The following EBF1 variants were observed in gnomAD, a reference collection of about 807,000 sequenced individuals.
EBF1 encodes the protein EBF transcription factor 1.
EBF1 carries 10 observed loss-of-function variants against 68.4 expected under a neutral mutation model. The observed-to-expected ratio is 0.15, with a 90% CI of 0.09 to 0.25. The LOEUF (loss-of-function observed/expected upper bound fraction) is 0.25, where lower values mean the gene tolerates loss of function less well. EBF1 is among the 10% of genes least tolerant of loss of function. The pLI is 1.00. For missense variants in EBF1, 509 were observed against 794.4 expected, an observed-to-expected ratio of 0.64 and a Z score of 4.32; for synonymous variants, 298 against 299.8, an observed-to-expected ratio of 0.99 and a Z score of 0.06.
chr5:158,955,895 C>T (rs1347157831), intron 6 of EBF1, among the ~76,000 whole-genome samples: 1 of 152,154 alleles, frequency 6.6e-6, no homozygotes, highest in Non-Finnish European at 1.5e-5. Flanking sequence ...TTAGCAATGG[C>T]TTACCAAAGG....
intron 10 of EBF1, among the ~76,000 whole-genome samples, chr5:158,738,905 T>C (rs900802261): frequency 5.3e-5 from 8 of 152,232 alleles, no homozygotes; most frequent in Non-Finnish European, 7.3e-5. Context: ...CAGGAATCTC[T>C]GTGCCTAGGC....
intron 10 of EBF1, among the ~76,000 whole-genome samples, chr5:158,765,024 T>C (rs1383975709): frequency 6.6e-6 from 1 of 152,196 alleles, no homozygotes; most frequent in Non-Finnish European, 1.5e-5. Flanking sequence ...TTAAGTACAT[T>C]TACTTGTTTC....
intron 6 of EBF1, among the ~76,000 whole-genome samples, chr5:158,924,852 CAAAAA>C (rs34744460): frequency 3.5e-4 from 18 of 50,892 alleles, no homozygotes; most frequent in African/African-American, 1.1e-3. Context: ...GACTCTGTCT[CAAAAA>C]AAAAAAAAAA....
intron 6 of EBF1, chr5:158,941,290 G>C: frequency 2.2e-6 from 1 of 454,664 alleles, no homozygotes; most frequent in South Asian, 1.6e-5. Flanking sequence ...TCAGGAACAC[G>C]TACAAATACA....
chr5:158,773,433 G>C (rs1316076279), intron 10 of EBF1, among the ~76,000 whole-genome samples: 2 of 152,086 alleles, frequency 1.3e-5, no homozygotes, highest in African/African-American at 2.4e-5. Context: ...AAAATGTTTG[G>C]AATTGGAAAA....
Position 159,039,182 on chromosome 5 carries a change from C to T in EBF1, c.554+34214G>A, listed in dbSNP as rs574933048. On this transcript the variant is annotated intron_variant, in intron 6 of 15. Transcript: ENST00000313708. ...CACAAGTCAGCCCTCTTCCCTGAGT[C>T]ATTCTGCAAAATGGCACAGCAGATT... Among the ~76,000 whole-genome samples, 16 of 152,304 alleles carry T rather than the reference C, an allele frequency of 1.1e-4. No individual in the cohort carries two copies. The East Asian group carries it at 3.1e-3, about 29-fold the overall frequency.
chr5:158,942,235 C>T (rs866520315), intron 6 of EBF1, among the ~76,000 whole-genome samples: 4 of 152,016 alleles, frequency 2.6e-5, no homozygotes, highest in South Asian at 2.1e-4. Flanking sequence ...AGCATTGTGT[C>T]CCTGTATATA....
intron 8 of EBF1, among the ~76,000 whole-genome samples, chr5:158,797,737 A>G (rs918085398): frequency 6.6e-6 from 1 of 152,216 alleles, no homozygotes; most frequent in Non-Finnish European, 1.5e-5. Flanking sequence ...TTAATCTTAA[A>G]AATTTGCACA....
At chr5:158,965,324 C>A (rs1753889532) in intron 6 of EBF1, among the ~76,000 whole-genome samples, 1 of 151,290 alleles carries the variant, frequency 6.6e-6, no homozygotes, top group Non-Finnish European at 1.5e-5. Flanking sequence ...ATCTTTTATA[C>A]ATATTGTTTG....
intron 8 of EBF1, among the ~76,000 whole-genome samples, chr5:158,798,519 AC>A (rs1211230009): frequency 6.6e-6 from 1 of 151,394 alleles, no homozygotes; most frequent in African/African-American, 2.4e-5. Context: ...TCTTTGAGAA[AC>A]CCTCCTACAG....
At chr5:158,720,769 C>A (rs1438301285) in intron 11 of EBF1, among the ~76,000 whole-genome samples, 1 of 152,102 alleles carries the variant, frequency 6.6e-6, no homozygotes, top group African/African-American at 2.4e-5. Context: ...CTAAGGACCA[C>A]TTTAGAGTAA....
intron 6 of EBF1, among the ~76,000 whole-genome samples, chr5:158,937,530 G>C (rs577989329): frequency 6.6e-6 from 1 of 152,198 alleles, no homozygotes; most frequent in Non-Finnish European, 1.5e-5. Context: ...TAGGCACACC[G>C]ATGAAGGGAA....
At chr5:158,784,345 C>A (rs1581853447) in intron 9 of EBF1, among the ~76,000 whole-genome samples, 1 of 152,284 alleles carries the variant, frequency 6.6e-6, no homozygotes, top group Admixed American at 6.5e-5. Context: ...TTCCATAATT[C>A]CTGGTACATG....
At chr5:158,751,025 T>C (rs1028325905) in intron 10 of EBF1, among the ~76,000 whole-genome samples, 1 of 152,130 alleles carries the variant, frequency 6.6e-6, no homozygotes, top group Non-Finnish European at 1.5e-5. Context: ...GGAAAATGCT[T>C]ATTAGGCTAT....
At chr5:159,012,824 C>A (rs1407372939) in intron 6 of EBF1, among the ~76,000 whole-genome samples, 1 of 152,110 alleles carries the variant, frequency 6.6e-6, no homozygotes, top group Non-Finnish European at 1.5e-5. Context: ...TTAAAGAGGT[C>A]ATTAAAATTA....
intron 10 of EBF1, among the ~76,000 whole-genome samples, chr5:158,745,199 T>G (rs1282171983): frequency 1.3e-5 from 2 of 152,212 alleles, no homozygotes; most frequent in East Asian, 3.8e-4. Flanking sequence ...AATGGGTATG[T>G]GGCCACTTCC....
chr5:159,059,592 T>C (rs1775421420), intron 6 of EBF1, among the ~76,000 whole-genome samples: 1 of 152,226 alleles, frequency 6.6e-6, no homozygotes, highest in Admixed American at 6.5e-5. Context: ...CTTTGAAACA[T>C]TAATCAAACC....
In EBF1 at chr5:159,073,479, C is replaced by T. The variant is rs147185617; in HGVS notation, c.486-15G>A. On this transcript the variant is annotated splice_polypyrimidine_tract_variant and intron_variant, in intron 5 of 15. Coordinates refer to ENST00000313708, the MANE Select transcript of EBF1 (RefSeq NM_024007.5). ...CACAACAGCGGCTATGGAGCAAAAGCGAAAGGATTTAGTACAACCATTACA... is the reference window on the plus strand; with the variant it reads ...CACAACAGCGGCTATGGAGCAAAAGTGAAAGGATTTAGTACAACCATTACA... 4.8e-4 allele frequency: 772 copies of T among 1,613,808 alleles called. 4 individuals are homozygous for T. In the African/African-American group the frequency reaches 5.6e-3, roughly 12 times the overall value.
chr5:158,978,797 TAC>T (rs57930371), intron 6 of EBF1, among the ~76,000 whole-genome samples: 54,623 of 142,750 alleles, frequency 0.38, 10,662 homozygotes, highest in Non-Finnish European at 0.44. Flanking sequence ...CACACACACA[TAC>T]ACACACACAC....
Sources: allele counts gnomAD v4.1 joint callset (sites outside exome capture counted in the v4.1 genomes callset), GRCh38; gene constraint gnomAD v4.1.1; transcripts MANE v1.5; gene names NCBI Gene and HGNC (gene_info 2026-07-23, HGNC 2026-07-21).